Variants in ANKFN1 observed in about 807,000 individuals in gnomAD.
ANKFN1 encodes the protein ankyrin repeat and fibronectin type III domain containing 1, also known as ankyrin repeat and fibronectin type-III domain-containing protein 1.
ANKFN1 carries 74 observed loss-of-function variants against 108.7 expected under a neutral mutation model. The observed-to-expected ratio is 0.68, with a 90% confidence interval of 0.56 to 0.83. The LOEUF is 0.83. ANKFN1 is among the 40% of genes least tolerant of loss of function. The pLI is 0.00. For missense variants in ANKFN1, 1,505 were observed against 1,382.3 expected, an observed-to-expected ratio of 1.09 and a Z score of -1.41; for synonymous variants, 547 against 516.2, an observed-to-expected ratio of 1.06 and a Z score of -0.81.
chr17:56,410,181 G>T (rs1475616842), intron 8 of ANKFN1, among the ~76,000 whole-genome samples: 2 of 152,120 alleles, frequency 1.3e-5, no homozygotes, highest in Non-Finnish European at 2.9e-5. Context: ...CACCTCCCAG[G>T]TTCAAGTGAT....
intron 6 of ANKFN1, among the ~76,000 whole-genome samples, chr17:56,361,800 G>A (rs1452329277): frequency 6.6e-6 from 1 of 152,028 alleles, no homozygotes; most frequent in Non-Finnish European, 1.5e-5. Context: ...CTACTGGCAT[G>A]AGCCCCACAT....
At chr17:56,469,928 T>C (rs2050258089) in intron 15 of ANKFN1, among the ~76,000 whole-genome samples, 1 of 152,156 alleles carries the variant, frequency 6.6e-6, no homozygotes, top group African/African-American at 2.4e-5. Flanking sequence ...TTTTTCCTGA[T>C]GCTCTCCCTC....
intron 4 of ANKFN1, among the ~76,000 whole-genome samples, chr17:56,097,070 G>A (rs892059681): frequency 1.3e-5 from 2 of 152,122 alleles, no homozygotes; most frequent in African/African-American, 2.4e-5. Flanking sequence ...ATTGAGTACA[G>A]ACGGATACAT....
At position 56,139,642 on chromosome 17, in the gene ANKFN1, A is replaced by G. The variant is rs542764431; in HGVS notation, c.289-88275A>G. Reference sequence around the variant, plus strand: ...TTCTATATCAGGAAATGTTAACGGAACAGTCAAACTCAGCCTGAAGAAGTG... The same window carrying G: ...TTCTATATCAGGAAATGTTAACGGAGCAGTCAAACTCAGCCTGAAGAAGTG... On this transcript the variant is annotated intron_variant, in intron 4 of 12. Coordinates refer to the ANKFN1 transcript ENST00000635860. 3.3e-5 allele frequency among the ~76,000 whole-genome samples: 5 copies of G among 152,306 alleles called. No homozygotes were observed. In the South Asian group the frequency reaches 8.3e-4, roughly 25 times the overall value.
At chr17:56,320,693 G>T (rs1195257753) in intron 3 of ANKFN1, among the ~76,000 whole-genome samples, 3 of 152,130 alleles carry the variant, frequency 2.0e-5, no homozygotes, top group African/African-American at 7.2e-5. Context: ...TATCACGTCG[G>T]TGCTACAGCC....
intron 5 of ANKFN1, 66 bp from the exon 6 acceptor site, chr17:56,353,770 A>T: frequency 6.8e-7 from 1 of 1,463,200 alleles, no homozygotes; most frequent in East Asian, 2.3e-5. Flanking sequence ...TAAACTTCAA[A>T]AGAGCTAAGC....
At chr17:56,271,677 G>A (rs2144183845) in intron 3 of ANKFN1, among the ~76,000 whole-genome samples, 1 of 152,280 alleles carries the variant, frequency 6.6e-6, no homozygotes, top group South Asian at 2.1e-4. Context: ...GGTGACTATA[G>A]AGGACCAACT....
intron 4 of ANKFN1, among the ~76,000 whole-genome samples, chr17:56,055,590 T>TATATATATATATAG (rs1365719347): frequency 9.6e-6 from 1 of 104,212 alleles, no homozygotes; most frequent in Non-Finnish European, 1.7e-5. Context: ...TATATATATG[T>TATATATATATATAG]ATATATACAC....
At chr17:56,423,953 AC>A (rs1351117698) in intron 8 of ANKFN1, among the ~76,000 whole-genome samples, 1 of 152,240 alleles carries the variant, frequency 6.6e-6, no homozygotes, top group African/African-American at 2.4e-5. Flanking sequence ...AAACCTGAGT[AC>A]ATAAAGATGT....
upstream of ANKFN1, among the ~76,000 whole-genome samples, chr17:56,152,995 A>G (rs1908756953): frequency 6.6e-6 from 1 of 152,174 alleles, no homozygotes; most frequent in African/African-American, 2.4e-5. Context: ...AAAATAATCC[A>G]TTCCAAAGCT....
At chr17:56,435,462 T>C (rs2048901151) in intron 8 of ANKFN1, among the ~76,000 whole-genome samples, 1 of 152,008 alleles carries the variant, frequency 6.6e-6, no homozygotes, top group Non-Finnish European at 1.5e-5. Flanking sequence ...CAGAGAAAAC[T>C]AGAAAAAGGA....
At chr17:56,471,894 A>T (rs2050329603) in intron 15 of ANKFN1, 1 of 152,242 alleles carries the variant, frequency 6.6e-6, no homozygotes, top group East Asian at 1.9e-4. Flanking sequence ...AGGCGGAGAG[A>T]TAGGGGAATG....
chr17:56,467,392 A>G (rs2050111202), intron 15 of ANKFN1, among the ~76,000 whole-genome samples: 3 of 151,888 alleles, frequency 2.0e-5, no homozygotes, highest in Non-Finnish European at 4.4e-5. Flanking sequence ...GAATGAAATA[A>G]CTAGAGGCTG....
At chr17:56,064,701 A>G (rs8080062) in intron 4 of ANKFN1, among the ~76,000 whole-genome samples, 108,332 of 152,170 alleles carry the variant, frequency 0.71, 39,384 homozygotes, top group Non-Finnish European at 0.81. Context: ...CCTCTCCCCT[A>G]AGGAGCTCAA....
chr17:56,074,221 G>C (rs934222509), intron 4 of ANKFN1, among the ~76,000 whole-genome samples: 1 of 152,296 alleles, frequency 6.6e-6, no homozygotes, highest in South Asian at 2.1e-4. Flanking sequence ...GCACTGACTA[G>C]ACAGGCTACA....
intron 2 of ANKFN1, among the ~76,000 whole-genome samples, chr17:56,215,216 A>G (rs2143831359): frequency 6.6e-6 from 1 of 152,326 alleles, no homozygotes; most frequent in South Asian, 2.1e-4. Flanking sequence ...GCAGCAGAGC[A>G]CCGTGCTTAA....
At chr17:56,310,091 G>A (rs549522979) in intron 3 of ANKFN1, among the ~76,000 whole-genome samples, 24 of 152,114 alleles carry the variant, frequency 1.6e-4, no homozygotes, top group African/African-American at 5.3e-4. Context: ...CTAGGGGCGT[G>A]TAGTGTATAC....
intron 3 of ANKFN1, among the ~76,000 whole-genome samples, chr17:56,279,046 A>C (rs543165010): frequency 1.3e-4 from 20 of 152,310 alleles, no homozygotes; most frequent in African/African-American, 4.8e-4. Context: ...TTCTTTAGTA[A>C]GATATGTCAG....
chr17:56,482,942 C>T (rs906677772), intron 18 of ANKFN1, among the ~76,000 whole-genome samples: 3 of 151,872 alleles, frequency 2.0e-5, no homozygotes, highest in Non-Finnish European at 4.4e-5. Flanking sequence ...TCTCTCTCAC[C>T]GTCCCCACAT....
Sources: gnomAD v4.1 joint callset for allele counts (sites outside exome capture counted in the v4.1 genomes callset) on GRCh38, gnomAD v4.1.1 for gene constraint, MANE v1.5 for transcripts, NCBI Gene and HGNC (gene_info 2026-07-23, HGNC 2026-07-21) for gene names.